Variants in KIAA2012 observed in about 807,000 individuals in gnomAD.
The protein encoded by KIAA2012 is uncharacterized protein KIAA2012.
KIAA2012 carries 125 observed loss-of-function variants against 150.6 expected under a neutral mutation model. That is an observed-to-expected ratio of 0.83 (90% CI 0.72 to 0.96). The LOEUF (loss-of-function observed/expected upper bound fraction) is 0.96. Ranked by LOEUF, KIAA2012 falls within the 40% of genes least tolerant of loss-of-function variation. The pLI is 0.00. For synonymous variants in KIAA2012, 462 were observed against 504.7 expected (o/e 0.92, Z 1.13); for missense variants, 1,219 against 1,354.9 (o/e 0.90, Z 1.57).
chr2:202,190,657 C>T (rs1692313368), intron 19 of KIAA2012, among the ~76,000 whole-genome samples, 164 bp downstream of exon 19: 2 of 152,160 alleles, frequency 1.3e-5, no homozygotes, highest in Non-Finnish European at 2.9e-5. Context: ...TAGTAAGAAG[C>T]CAGACCTGAT....
intron 12 of KIAA2012, among the ~76,000 whole-genome samples, chr2:202,128,264 T>TTTTTC (rs778103008): frequency 2.0e-5 from 3 of 152,096 alleles, no homozygotes; most frequent in African/African-American, 4.8e-5. Flanking sequence ...CTGCAAGCTT[T>TTTTTC]TTTTCTTTTC....
At chr2:202,083,820 T>C (rs575769677) in intron 2 of KIAA2012, among the ~76,000 whole-genome samples, 34 of 152,238 alleles carry the variant, frequency 2.2e-4, no homozygotes, top group African/African-American at 7.5e-4. Flanking sequence ...AGAGGCGGAT[T>C]TGTGCCCCAG....
intron 7 of KIAA2012, among the ~76,000 whole-genome samples, chr2:202,102,742 A>G (rs895554165): frequency 2.0e-5 from 3 of 152,216 alleles, no homozygotes; most frequent in Non-Finnish European, 4.4e-5. Flanking sequence ...GAGGATTCAC[A>G]GGCAGGATTA....
In KIAA2012 at chr2:202,173,818, G is replaced by C. The variant is rs529863844; in HGVS notation, c.2119+8462G>C. ...TAGGGTCATCTCAATAGATGCAAAA[G>C]GAAAAAAATAAAATTCACCCATTCC... is the stretch of plus-strand genomic sequence containing the variant. On this transcript the variant is annotated intron_variant, in intron 15 of 23. Coordinates refer to ENST00000498697, the MANE Select transcript of KIAA2012 (RefSeq NM_001277372.4). Among the ~76,000 whole-genome samples, 4 of 151,964 alleles carry C rather than the reference G, an allele frequency of 2.6e-5. No individual in the cohort carries two copies. In the South Asian group the frequency reaches 6.2e-4, roughly 24 times the overall value.
chr2:202,075,065 G>C lies in KIAA2012; in HGVS notation c.259G>C (p.Glu87Gln), dbSNP rs1689294846. Reference sequence around the variant, plus strand: ...TGCCATTTCGGCATGGACACCCAAAGAGAGGAGAAAAGGCCCCTACTGCCC... The same window carrying C: ...TGCCATTTCGGCATGGACACCCAAACAGAGGAGAAAAGGCCCCTACTGCCC... ...GFAISAWTPK[E>Q]RRKGPYCPRG... is the part of the protein sequence containing the mutation. The change falls in exon 2 of 24, where the codon GAG becomes CAG. Residue 87 changes from glutamate to glutamine, a missense_variant. Transcript: ENST00000498697. 6.4e-7 allele frequency: 1 copy of C among 1,550,568 alleles called. No individual in the cohort carries two copies.
At chr2:202,086,419 A>C (rs1345922834) in intron 2 of KIAA2012, among the ~76,000 whole-genome samples, 1 of 152,208 alleles carries the variant, frequency 6.6e-6, no homozygotes, top group Non-Finnish European at 1.5e-5. Flanking sequence ...TCAGGGCCCA[A>C]CACAGTGCCT....
intron 21 of KIAA2012, among the ~76,000 whole-genome samples, chr2:202,196,343 T>G (rs370456099): frequency 3.3e-5 from 5 of 151,776 alleles, no homozygotes; most frequent in Non-Finnish European, 4.4e-5. Flanking sequence ...TACAGGCGCC[T>G]GCCACCACGC....
At chr2:202,188,620 C>T (rs1375326889) in intron 18 of KIAA2012, among the ~76,000 whole-genome samples, 2 of 152,220 alleles carry the variant, frequency 1.3e-5, no homozygotes, top group South Asian at 2.1e-4. Flanking sequence ...CATGTAGCAA[C>T]TGAGGCTGAG....
At chr2:202,076,435 C>T (rs915315709) in intron 2 of KIAA2012, among the ~76,000 whole-genome samples, 15 of 152,198 alleles carry the variant, frequency 9.9e-5, no homozygotes, top group African/African-American at 3.6e-4. Flanking sequence ...CTCCTCTGCC[C>T]TCTTTTCATC....
intron 13 of KIAA2012, among the ~76,000 whole-genome samples, chr2:202,150,434 TTTTTTTG>T (rs890042458): frequency 3.4e-5 from 5 of 147,700 alleles, no homozygotes; most frequent in Non-Finnish European, 4.5e-5. Flanking sequence ...TTTTTGTTTG[TTTTTTTG>T]TTTTTTGTTT....
At chr2:202,197,456 A>G (rs564985159) in intron 22 of KIAA2012, 115 of 174,430 alleles carry the variant, frequency 6.6e-4, no homozygotes, top group African/African-American at 2.2e-3. Context: ...AGCAAGACAG[A>G]GAAGGTCTCT....
intron 15 of KIAA2012, among the ~76,000 whole-genome samples, chr2:202,171,664 T>C (rs1038864159): frequency 1.3e-5 from 2 of 152,046 alleles, no homozygotes; most frequent in African/African-American, 4.8e-5. Flanking sequence ...AGATGGAGAC[T>C]GGCAGAGCTA....
chr2:202,107,162 C>G (rs1218134696), intron 9 of KIAA2012, among the ~76,000 whole-genome samples: 2 of 152,212 alleles, frequency 1.3e-5, no homozygotes, highest in East Asian at 3.9e-4. Flanking sequence ...GTGCCAGAAT[C>G]CATGTTCTTA....
intron 3 of KIAA2012, 76 bp from the exon 4 acceptor site, chr2:202,092,954 G>A (rs1689764227): frequency 1.6e-5 from 21 of 1,290,050 alleles, no homozygotes; most frequent in Non-Finnish European, 2.1e-5. Flanking sequence ...TGTAAGTGAG[G>A]AACCTTGTAG....
intron 9 of KIAA2012, 30 bp downstream of exon 9, chr2:202,105,940 G>C: frequency 6.4e-7 from 1 of 1,550,752 alleles, no homozygotes; most frequent in Non-Finnish European, 8.7e-7. Context: ...AGCATCCCTC[G>C]GGAACCTCAC....
intron 18 of KIAA2012, among the ~76,000 whole-genome samples, chr2:202,189,484 G>T (rs1692289626): frequency 6.6e-6 from 1 of 151,840 alleles, no homozygotes; most frequent in South Asian, 2.1e-4. Flanking sequence ...TAGAGACAGG[G>T]TTTCACCATA....
intron 13 of KIAA2012, among the ~76,000 whole-genome samples, chr2:202,143,686 C>T (rs142664032): frequency 6.6e-6 from 1 of 152,058 alleles, no homozygotes; most frequent in East Asian, 1.9e-4. Context: ...AAGTATTCAG[C>T]AAGCTGAACG....
chr2:202,147,204 C>T (rs1294682221), intron 13 of KIAA2012, among the ~76,000 whole-genome samples: 1 of 152,272 alleles, frequency 6.6e-6, no homozygotes, highest in Admixed American at 6.5e-5. Context: ...CTCTCTCTGC[C>T]TCCCAAATAT....
At chr2:202,193,597 A>G (rs1692359136) in intron 20 of KIAA2012, 94 bp downstream of exon 20, 2 of 1,271,898 alleles carry the variant, frequency 1.6e-6, no homozygotes, top group East Asian at 5.1e-5. Context: ...TTTGGTTCTG[A>G]GGCTCATGCC....
Sources: gnomAD v4.1 joint callset for allele counts (sites outside exome capture counted in the v4.1 genomes callset) on GRCh38, gnomAD v4.1.1 for gene constraint, MANE v1.5 for transcripts, NCBI Gene and HGNC (gene_info 2026-07-23, HGNC 2026-07-21) for gene names.